The following ROBO2 variants were observed in gnomAD, a reference collection of about 807,000 sequenced individuals.
ROBO2 encodes the protein roundabout homolog 2.
A neutral mutation model predicts 160.8 loss-of-function variants in ROBO2; 53 were observed. The observed-to-expected ratio is 0.33, with a 90% CI of 0.26 to 0.41. The LOEUF is 0.41. ROBO2 is among the 10% of genes least tolerant of loss of function. The pLI, the probability that ROBO2 is intolerant of heterozygous loss-of-function variation, is 1.00. For synonymous variants in ROBO2, 664 were observed against 611.7 expected (o/e 1.09, Z -1.26); for missense variants, 1,577 against 1,722.4 (o/e 0.92, Z 1.49).
At chr3:75,932,490 G>A (rs1349237958) in intron 1 of ROBO2, among the ~76,000 whole-genome samples, 1 of 152,118 alleles carries the variant, frequency 6.6e-6, no homozygotes, top group Non-Finnish European at 1.5e-5. Flanking sequence ...GTATTTCAGT[G>A]CCACATCTGC....
chr3:76,008,396 A>C (rs551391200), intron 2 of ROBO2, among the ~76,000 whole-genome samples: 1 of 152,332 alleles, frequency 6.6e-6, no homozygotes, highest in Non-Finnish European at 1.5e-5. Context: ...GTCTTATGGT[A>C]AACCCTTGGG....
intron 2 of ROBO2, among the ~76,000 whole-genome samples, chr3:76,994,306 T>A (rs191785955): frequency 1.3e-5 from 2 of 152,312 alleles, no homozygotes; most frequent in African/African-American, 4.8e-5. Context: ...GGACTTTGTG[T>A]ACTGGCTTGT....
At chr3:76,785,720 A>T (rs13318440) in intron 2 of ROBO2, among the ~76,000 whole-genome samples, 1,546 of 150,758 alleles carry the variant, frequency 0.01, 22 homozygotes, top group African/African-American at 0.035. Context: ...CATAATTTTC[A>T]CTCCTCCCCC....
chr3:76,460,137 T>C (rs2078003134), intron 2 of ROBO2, among the ~76,000 whole-genome samples: 1 of 151,960 alleles, frequency 6.6e-6, no homozygotes, highest in South Asian at 2.1e-4. Context: ...AAAGAGTATT[T>C]ACATTTATAA....
At chr3:75,915,789 C>G (rs1185951055) in intron 1 of ROBO2, among the ~76,000 whole-genome samples, 1 of 152,098 alleles carries the variant, frequency 6.6e-6, no homozygotes, top group African/African-American at 2.4e-5. Context: ...AACTGAAAGG[C>G]ACCTTTTGCT....
intron 2 of ROBO2, among the ~76,000 whole-genome samples, chr3:76,609,494 T>C (rs1305272716): frequency 6.6e-6 from 1 of 151,822 alleles, no homozygotes; most frequent in Non-Finnish European, 1.5e-5. Flanking sequence ...ATAAATGGAA[T>C]TGCTCTTCGA....
intron 2 of ROBO2, among the ~76,000 whole-genome samples, chr3:77,106,458 C>T (rs1383746542): frequency 6.6e-6 from 1 of 152,076 alleles, no homozygotes; most frequent in Non-Finnish European, 1.5e-5. Context: ...CGTGCAGTAA[C>T]TCATATGCTT....
intron 2 of ROBO2, among the ~76,000 whole-genome samples, chr3:76,796,636 T>C (rs1439907619): frequency 1.3e-5 from 2 of 151,896 alleles, no homozygotes; most frequent in Non-Finnish European, 2.9e-5. Flanking sequence ...GACTACACTC[T>C]CCAATCAAAA....
chr3:76,925,752 A>C (rs1256064648), intron 2 of ROBO2, among the ~76,000 whole-genome samples: 2 of 152,160 alleles, frequency 1.3e-5, no homozygotes, highest in Admixed American at 1.3e-4. Flanking sequence ...AGGAAAGAGA[A>C]CTACAAATTA....
intron 2 of ROBO2, among the ~76,000 whole-genome samples, chr3:77,406,099 C>T (rs906899220): frequency 3.9e-5 from 6 of 152,146 alleles, no homozygotes; most frequent in Admixed American, 1.3e-4. Flanking sequence ...ACAGTCATGG[C>T]AGAAGGTGAA....
chr3:77,505,449 T>C (rs987455252), intron 5 of ROBO2, among the ~76,000 whole-genome samples: 4 of 152,228 alleles, frequency 2.6e-5, no homozygotes, highest in Non-Finnish European at 5.9e-5. Context: ...GTGTGTTCAA[T>C]AAATAGAGAA....
intron 2 of ROBO2, among the ~76,000 whole-genome samples, chr3:76,795,150 A>C (rs1483886532): frequency 6.6e-6 from 1 of 152,098 alleles, no homozygotes; most frequent in Non-Finnish European, 1.5e-5. Flanking sequence ...TTATCATCTG[A>C]GACGTCAGCA....
upstream of ROBO2, among the ~76,000 whole-genome samples, chr3:77,035,954 T>A (rs2063609012): frequency 6.6e-6 from 1 of 151,988 alleles, no homozygotes; most frequent in East Asian, 1.9e-4. Flanking sequence ...TTAAAGAGGT[T>A]CTTAAATTTT....
rs911719376 is a variant in ROBO2, at chr3:77,520,284, G to A, written c.807-2491G>A. ...AAGAAGTACACATAGAATGAGAAAA[G>A]TGACACATTCAGAGTCAGGGTTTTA... is the stretch of plus-strand genomic sequence containing the variant. On this transcript the variant is annotated intron_variant, in intron 5 of 25. Coordinates refer to ENST00000461745, the Ensembl canonical transcript of ROBO2. Among the ~76,000 whole-genome samples the A allele has an allele frequency of 3.3e-5, 5 of 151,398 alleles. No individual in the cohort carries two copies. In the East Asian group the frequency reaches 7.8e-4, roughly 24 times the overall value.
At chr3:76,208,501 T>C (rs1702943613) in intron 2 of ROBO2, among the ~76,000 whole-genome samples, 1 of 152,178 alleles carries the variant, frequency 6.6e-6, no homozygotes, top group African/African-American at 2.4e-5. Context: ...GCAAGCACCG[T>C]GTCTCTTAGA....
At chr3:77,326,414 T>C (rs966534087) in intron 2 of ROBO2, among the ~76,000 whole-genome samples, 6 of 152,220 alleles carry the variant, frequency 3.9e-5, no homozygotes, top group Non-Finnish European at 5.9e-5. Context: ...TTTTTAAACA[T>C]AGTGATCTTC....
intron 2 of ROBO2, among the ~76,000 whole-genome samples, chr3:76,425,487 AGTGTGTGTGTGT>A (rs10530471): frequency 0.16 from 23,108 of 146,382 alleles, 5,117 homozygotes; most frequent in African/African-American, 0.5. Flanking sequence ...TGATGCAGCA[AGTGTGTGTGTGT>A]GTGTGTGTGT....
At chr3:76,957,010 G>A (rs1348283448) in intron 2 of ROBO2, among the ~76,000 whole-genome samples, 1 of 151,896 alleles carries the variant, frequency 6.6e-6, no homozygotes, top group Non-Finnish European at 1.5e-5. Flanking sequence ...TAGATTCTAG[G>A]CTTTTGTTTC....
chr3:77,418,149 C>A (rs1282490700), intron 2 of ROBO2, among the ~76,000 whole-genome samples: 1 of 135,908 alleles, frequency 7.4e-6, no homozygotes, highest in Non-Finnish European at 1.7e-5. Flanking sequence ...TTTTTTTTAC[C>A]TACAGAAAAG....
Sources: gnomAD v4.1 joint callset for allele counts (sites outside exome capture counted in the v4.1 genomes callset) on GRCh38, gnomAD v4.1.1 for gene constraint, MANE v1.5 for transcripts, NCBI Gene and HGNC (gene_info 2026-07-23, HGNC 2026-07-21) for gene names.